Variants in IL1R2 observed in about 807,000 individuals in gnomAD.
IL1R2 encodes the protein interleukin-1 receptor type 2.
Under a neutral mutation model 39.5 loss-of-function variants are expected in IL1R2, and 46 were observed. That is an observed-to-expected ratio of 1.16 (90% CI 0.92 to 1.49). The LOEUF (loss-of-function observed/expected upper bound fraction) is 1.49, where lower values mean the gene tolerates loss of function less well. Among genes scored for constraint, IL1R2 ranks in the 40% most tolerant of loss-of-function variants. IL1R2 has a pLI of 0.00. For missense variants in IL1R2, 537 were observed against 502.0 expected (o/e 1.07, Z -0.67); for synonymous variants, 207 against 189.6 (o/e 1.09, Z -0.75).
intron 1 of IL1R2, among the ~76,000 whole-genome samples, chr2:102,006,000 C>T: frequency 6.6e-6 from 1 of 152,222 alleles, no homozygotes; most frequent in Non-Finnish European, 1.5e-5. Context: ...CAGCATGATA[C>T]TCAGTTTGTG....
Position 102,019,769 on chromosome 2 carries a change from CCAGCAATA to C in IL1R2, c.648_655del (p.Gln217HisfsTer3). 6.2e-7 allele frequency: 1 copy of C among 1,614,098 alleles called. No individual in the cohort carries two copies. Among genetic ancestry groups the C allele is most frequent in the Non-Finnish European group, 8.5e-7 (1 of 1,180,004 alleles). The stretch of plus-strand genomic sequence containing the variant: ...GTGTCCTGACATTTGCCCATGAAGG[CCAGCAATA>C]CAACATCACTAGGAGTATTGAGCTA... On this transcript the variant is annotated frameshift_variant, in exon 5 of 9. Coordinates refer to ENST00000332549, the MANE Select transcript of IL1R2 (RefSeq NM_004633.4). LOFTEE classifies it high-confidence loss of function.
chr2:102,024,057 AACAAAAC>A (rs1677571331), intron 6 of IL1R2, among the ~76,000 whole-genome samples: 1 of 151,660 alleles, frequency 6.6e-6, no homozygotes, highest in Non-Finnish European at 1.5e-5. Flanking sequence ...TCAAAAACAA[AACAAAAC>A]AAAACAAAAA....
At chr2:101,995,162 G>T (rs1675525697) in intron 1 of IL1R2, among the ~76,000 whole-genome samples, 1 of 152,224 alleles carries the variant, frequency 6.6e-6, no homozygotes. Context: ...CATGCTGGGT[G>T]GGCCTGACAT....
chr2:102,009,984 C>T (rs775510832), intron 3 of IL1R2, 158 bp downstream of exon 3: 42 of 781,200 alleles, frequency 5.4e-5, no homozygotes, highest in Non-Finnish European at 8.3e-5. Context: ...CCCCCCCCAA[C>T]CCTACAGTCT....
At chr2:102,004,751 C>A (rs1040945616) in intron 1 of IL1R2, among the ~76,000 whole-genome samples, 2 of 152,206 alleles carry the variant, frequency 1.3e-5, no homozygotes, top group Non-Finnish European at 1.5e-5. Context: ...TGGTTCCAAC[C>A]TTTTTCTGAG....
intron 1 of IL1R2, among the ~76,000 whole-genome samples, chr2:102,002,746 G>GTCATA (rs1675957645): frequency 1.5e-4 from 1 of 6,848 alleles, no homozygotes; most frequent in Admixed American, 2.0e-3. Flanking sequence ...CTATGTCTAT[G>GTCATA]TCTATATCTA....
intron 1 of IL1R2, among the ~76,000 whole-genome samples, chr2:102,002,805 T>C (rs111207472): frequency 0.01 from 1,553 of 152,310 alleles, 38 homozygotes; most frequent in African/African-American, 0.035. Context: ...TCTATATCTA[T>C]GTCTATGTCT....
intron 3 of IL1R2, among the ~76,000 whole-genome samples, chr2:102,011,937 G>T (rs2150438786): frequency 6.6e-6 from 1 of 152,218 alleles, no homozygotes; most frequent in African/African-American, 2.4e-5. Flanking sequence ...GTTAGGTAAG[G>T]GTCCTGCTTC....
intron 1 of IL1R2, among the ~76,000 whole-genome samples, chr2:102,002,845 T>C (rs1224502005): frequency 6.6e-6 from 1 of 152,208 alleles, no homozygotes; most frequent in African/African-American, 2.4e-5. Flanking sequence ...TGTCTGTGTC[T>C]ATGTCTGTGT....
chr2:102,000,883 T>C lies in IL1R2; in HGVS notation c.-61-7632T>C, dbSNP rs577609246. Among the ~76,000 whole-genome samples the C allele has an allele frequency of 5.3e-5, 8 of 152,342 alleles. No individual in the cohort carries two copies. In the South Asian group the frequency reaches 1.7e-3, roughly 32 times the overall value. On this transcript the variant is annotated intron_variant, in intron 1 of 8. Coordinates refer to ENST00000332549, the MANE Select transcript of IL1R2 (RefSeq NM_004633.4). Reference sequence around the variant, plus strand: ...ACTCATGAGTTTTGTCCTCTGGAGTTGTTCAGGGTAGTGCATTCCTCTTAC... The same window carrying C: ...ACTCATGAGTTTTGTCCTCTGGAGTCGTTCAGGGTAGTGCATTCCTCTTAC...
At chr2:102,003,254 C>T (rs930559229) in intron 1 of IL1R2, among the ~76,000 whole-genome samples, 45 of 150,512 alleles carry the variant, frequency 3.0e-4, no homozygotes, top group Non-Finnish European at 3.8e-4. Context: ...GTGTCTGTGT[C>T]GGTGTCTGTG....
intron 3 of IL1R2, among the ~76,000 whole-genome samples, chr2:102,010,432 T>C (rs1206607537): frequency 2.6e-5 from 4 of 151,904 alleles, no homozygotes; most frequent in African/African-American, 7.3e-5. Flanking sequence ...AAAAATTAGC[T>C]GGGCATGGTG....
intron 7 of IL1R2, 59 bp downstream of exon 7, chr2:102,024,727 A>G: frequency 1.9e-6 from 3 of 1,608,738 alleles, no homozygotes; most frequent in Admixed American, 1.7e-5. Context: ...CCTTTTGGAG[A>G]CAGTTATCAC....
At chr2:101,993,790 C>A (rs1675457841) in intron 1 of IL1R2, among the ~76,000 whole-genome samples, 1 of 152,174 alleles carries the variant, frequency 6.6e-6, no homozygotes, top group Admixed American at 6.5e-5. Flanking sequence ...TACCCCCACC[C>A]ACAACTCTGC....
intron 8 of IL1R2, among the ~76,000 whole-genome samples, chr2:102,027,820 A>G (rs1677826578): frequency 6.6e-6 from 1 of 151,988 alleles, no homozygotes; most frequent in African/African-American, 2.4e-5. Flanking sequence ...TTCAAAATTT[A>G]TTTTCCTTTG....
In IL1R2 at chr2:101,993,610, C is replaced by G. The variant is rs75488107; in HGVS notation, c.-62+1599C>G. ...TCTCTCTCTCTGTCTCTGTTTCTCT[C>G]TTTCTGTCTCTACTTCTCTCTATGT... On this transcript the variant is annotated intron_variant, in intron 1 of 8. Transcript: ENST00000332549. 6.2e-3 allele frequency among the ~76,000 whole-genome samples: 949 copies of G among 152,300 alleles called. 10 individuals carry two copies. The highest frequency in any genetic ancestry group is 0.022 in the African/African-American group (905 of 41,564).
intron 7 of IL1R2, among the ~76,000 whole-genome samples, chr2:102,025,831 A>T (rs1440437734): frequency 6.6e-6 from 1 of 152,010 alleles, no homozygotes; most frequent in Non-Finnish European, 1.5e-5. Flanking sequence ...TCATTAAGAG[A>T]CTTAAAAGAT....
At chr2:101,998,169 T>C (rs990092546) in intron 1 of IL1R2, among the ~76,000 whole-genome samples, 2 of 152,246 alleles carry the variant, frequency 1.3e-5, no homozygotes, top group Non-Finnish European at 2.9e-5. Flanking sequence ...ATTTAAACTG[T>C]TCTTTGTGAT....
chr2:102,023,628 A>G (rs953082973), intron 6 of IL1R2: 2 of 152,180 alleles, frequency 1.3e-5, no homozygotes, highest in Non-Finnish European at 2.9e-5. Context: ...ACAAGTGAGA[A>G]GGTTTTCTTC....
Sources: allele counts gnomAD v4.1 joint callset (sites outside exome capture counted in the v4.1 genomes callset), GRCh38; gene constraint gnomAD v4.1.1; transcripts MANE v1.5; gene names NCBI Gene and HGNC (gene_info 2026-07-23, HGNC 2026-07-21).